The following CAPRIN2 variants were observed in gnomAD, a reference collection of about 807,000 sequenced individuals.
CAPRIN2 encodes caprin family member 2.
CAPRIN2 carries 66 observed loss-of-function variants against 130.4 expected under a neutral mutation model. The observed-to-expected ratio is 0.51, with a 90% CI of 0.42 to 0.62. The LOEUF (loss-of-function observed/expected upper bound fraction) is 0.62. CAPRIN2 is among the 20% of genes least tolerant of loss of function. The pLI, the probability that CAPRIN2 is intolerant of heterozygous loss-of-function variation, is 0.00. For synonymous variants in CAPRIN2, 471 were observed against 444.1 expected, an observed-to-expected ratio of 1.06 and a Z score of -0.76; for missense variants, 1,185 against 1,246.6, an observed-to-expected ratio of 0.95 and a Z score of 0.74.
intron 5 of CAPRIN2, among the ~76,000 whole-genome samples, chr12:30,732,672 C>T (rs1037856118): frequency 6.6e-6 from 1 of 152,052 alleles, no homozygotes; most frequent in South Asian, 2.1e-4. Context: ...GCTTCTTTCA[C>T]TCAGCATAAT....
At chr12:30,728,613 C>A in intron 8 of CAPRIN2, 35 bp downstream of exon 9, 1 of 1,497,134 alleles carries the variant, frequency 6.7e-7, no homozygotes, top group Non-Finnish European at 9.0e-7. Context: ...TTTATGCCTA[C>A]ACTTACAGAA....
Position 30,710,548 on chromosome 12 carries a change from TG to T in CAPRIN2, c.2666-79del. The T allele has an allele frequency of 1.1e-5, 17 of 1,585,952 alleles. No homozygotes were observed. Among genetic ancestry groups the T allele is most frequent in the Non-Finnish European group, 1.5e-5 (17 of 1,168,454 alleles). ...ACAATATTTAACATTAGTCGGCTAC[TG>T]AAACAGACAAAGATACATTTTATAG... On this transcript the variant is annotated intron_variant, in intron 16 of 16. Transcript: ENST00000298892. The surrounding 1 kb of genome is among the most constrained non-coding windows in gnomAD (Gnocchi z 4.8).
intron 14 of CAPRIN2, 46 bp downstream of exon 16, chr12:30,714,913 C>T (rs1389640729): frequency 1.1e-5 from 17 of 1,508,766 alleles, no homozygotes; most frequent in Non-Finnish European, 1.5e-5. Context: ...CAAGTAAACA[C>T]ACAGACAAAA....
intron 3 of CAPRIN2, among the ~76,000 whole-genome samples, chr12:30,736,065 C>T (rs569318045): frequency 1.3e-5 from 2 of 151,138 alleles, no homozygotes; most frequent in East Asian, 2.0e-4. Context: ...TGCTTGAGCC[C>T]GGGAGGTCAA....
rs1402077640 is a variant in CAPRIN2, at chr12:30,710,296, C to T, written c.2840G>A (p.Arg947Gln). 1.2e-6 allele frequency: 2 copies of T among 1,614,164 alleles called. No homozygotes were observed. Among genetic ancestry groups the T allele is most frequent in the Non-Finnish European group, 1.7e-6 (2 of 1,180,028 alleles). Residue 947 changes from arginine to glutamine, a missense_variant, in exon 17 of 17, where the codon CGA becomes CAA. Physicochemically the swap from Arg to Gln is conservative, Grantham distance 43. Transcript: ENST00000298892. The surrounding 1 kb of genome is among the most constrained non-coding windows in gnomAD (Gnocchi z 4.8). ...GGTTCTGGCTGCTGAGAAGGCAACTCGCATCTGCTGAGGCAGAGGGTAGAC... is the reference window on the plus strand; with the variant it reads ...GGTTCTGGCTGCTGAGAAGGCAACTTGCATCTGCTGAGGCAGAGGGTAGAC...
Position 30,710,297 on chromosome 12 carries a change from G to A in CAPRIN2, c.2839C>T (p.Arg947Ter). ...GTTCTGGCTGCTGAGAAGGCAACTCGCATCTGCTGAGGCAGAGGGTAGACG... is the reference window on the plus strand; with the variant it reads ...GTTCTGGCTGCTGAGAAGGCAACTCACATCTGCTGAGGCAGAGGGTAGACG... The change falls in exon 17 of 17, where the codon CGA becomes TGA. Residue 947 changes from arginine to a stop codon, truncating the protein, a stop_gained. Transcript: ENST00000298892. LOFTEE classifies it high-confidence loss of function. The surrounding 1 kb of genome is among the most constrained non-coding windows in gnomAD (Gnocchi z 4.8). 1 of 1,614,174 alleles carries A rather than the reference G, an allele frequency of 6.2e-7. No homozygotes were observed. The highest frequency in any genetic ancestry group is 8.5e-7 in the Non-Finnish European group (1 of 1,180,032).
At chr12:30,750,573 T>C (rs962382615) in intron 2 of CAPRIN2, among the ~76,000 whole-genome samples, 3 of 151,804 alleles carry the variant, frequency 2.0e-5, no homozygotes, top group Non-Finnish European at 4.4e-5. Context: ...TATCAGATAA[T>C]ATGCCTCCTG....
intron 3 of CAPRIN2, among the ~76,000 whole-genome samples, chr12:30,739,691 G>A (rs1003745239): frequency 2.0e-5 from 3 of 151,400 alleles, no homozygotes; most frequent in Non-Finnish European, 4.4e-5. Context: ...CTCCAGCCTG[G>A]GCGACAGGGC....
chr12:30,738,918 G>C (rs1178930291), intron 3 of CAPRIN2, among the ~76,000 whole-genome samples: 1 of 152,174 alleles, frequency 6.6e-6, no homozygotes, highest in Non-Finnish European at 1.5e-5. Context: ...TGCTGTCAAG[G>C]TTGTAGAGAA....
chr12:30,714,827 T>C lies in CAPRIN2; in HGVS notation c.2500+132A>G. ...GAATAGGTATATTAAAAATACTTTATTATCCACAAACAGGAAATTCTCTAC... is the reference window on the plus strand; with the variant it reads ...GAATAGGTATATTAAAAATACTTTACTATCCACAAACAGGAAATTCTCTAC... On this transcript the variant is annotated intron_variant, in intron 14 of 16. Transcript: ENST00000298892. 1.1e-5 allele frequency: 7 copies of C among 615,790 alleles called. No homozygotes were observed. In the Admixed American group the frequency reaches 1.7e-4, roughly 15 times the overall value. The allele number at this position is 615,790 out of a possible 1,614,324, so 38.1% of individuals were successfully genotyped here. A position where few individuals can be genotyped will look rare whatever the true frequency, so the allele number is the denominator to read the frequency against.
chr12:30,736,930 C>T (rs1438924612), intron 3 of CAPRIN2, among the ~76,000 whole-genome samples: 1 of 152,180 alleles, frequency 6.6e-6, no homozygotes, highest in Non-Finnish European at 1.5e-5. Flanking sequence ...TTATCTTTGG[C>T]CAGTCTCCCA....
chr12:30,738,498 C>CA (rs1424062489), intron 3 of CAPRIN2, among the ~76,000 whole-genome samples: 3 of 152,048 alleles, frequency 2.0e-5, no homozygotes, highest in Non-Finnish European at 4.4e-5. Flanking sequence ...TAGGAACTGG[C>CA]AAAGATTTTG....
intron 15 of CAPRIN2, 180 bp from the exon 18 acceptor site, chr12:30,711,809 G>A: frequency 1.4e-6 from 1 of 696,650 alleles, no homozygotes; most frequent in Non-Finnish European, 2.6e-6. Context: ...AAGGGCAACA[G>A]TGGCATTACT....
rs753826946 is a variant in CAPRIN2 at position 30,735,152 on chromosome 12, C to T, written c.625G>A (p.Ala209Thr). Reference sequence around the variant, plus strand: ...ATAGTTCGAAGCTTTTTCTTCTCAGCCTCAAGTTTTAGCATGTGCTCCCTT... The same window carrying T: ...ATAGTTCGAAGCTTTTTCTTCTCAGTCTCAAGTTTTAGCATGTGCTCCCTT... The change falls in exon 4 of 17, where the codon GCT becomes ACT. Residue 209 changes from alanine (A) to threonine (T), a missense_variant. Transcript: ENST00000298892. 8.7e-6 allele frequency: 14 copies of T among 1,614,042 alleles called. No individual in the cohort carries two copies. The African/African-American group carries it at 1.6e-4, about 18-fold the overall frequency.
chr12:30,749,834 G>A (rs2072819536), intron 2 of CAPRIN2, among the ~76,000 whole-genome samples: 1 of 152,134 alleles, frequency 6.6e-6, no homozygotes, highest in Non-Finnish European at 1.5e-5. Context: ...TATTATAGAA[G>A]CAACATGTGG....
intron 16 of CAPRIN2, among the ~76,000 whole-genome samples, chr12:30,711,240 CATT>C (rs2054424637): frequency 6.6e-6 from 1 of 152,064 alleles, no homozygotes; most frequent in African/African-American, 2.4e-5. Context: ...AAGAAGTACC[CATT>C]ATTACAAAAA....
Position 30,731,299 on chromosome 12 carries a change from A to G in CAPRIN2, c.1060+44T>C, listed in dbSNP as rs559229032. 1.9e-6 allele frequency: 3 copies of G among 1,544,728 alleles called. No homozygotes were observed. The Admixed American group carries it at 5.3e-5, about 27-fold the overall frequency. On this transcript the variant is annotated intron_variant, in intron 6 of 16. Coordinates refer to ENST00000298892, the Ensembl canonical transcript of CAPRIN2. ...CAATACGTGACTCATTTGGGGTATT[A>G]AAAAATGCAACCACTATAAGGATTT...
At position 30,722,840 on chromosome 12, in the gene CAPRIN2, G is replaced by A. The variant is rs565348131; in HGVS notation, c.2043+419C>T. 2.6e-5 allele frequency among the ~76,000 whole-genome samples: 4 copies of A among 152,206 alleles called. No individual in the cohort carries two copies. In the East Asian group the frequency reaches 7.7e-4, roughly 29 times the overall value. ...CTTGAACCCGTGAGGCAGACCAGACGCTGCAGTGAGCCGAGATCATGCTAC... is the reference window on the plus strand; with the variant it reads ...CTTGAACCCGTGAGGCAGACCAGACACTGCAGTGAGCCGAGATCATGCTAC... On this transcript the variant is annotated intron_variant, in intron 11 of 16. Coordinates refer to ENST00000298892, the Ensembl canonical transcript of CAPRIN2.
chr12:30,723,184 A>G, intron 11 of CAPRIN2, 75 bp downstream of exon 12: 1 of 984,150 alleles, frequency 1.0e-6, no homozygotes, highest in Non-Finnish European at 1.6e-6. Flanking sequence ...AGAATCAGTA[A>G]GTCTGATTAT....
Sources: gnomAD v4.1 joint callset for allele counts (sites outside exome capture counted in the v4.1 genomes callset) on GRCh38, gnomAD v4.1.1 for gene constraint, Gnocchi (gnomAD v3.1) non-coding constraint, MANE v1.5 for transcripts, NCBI Gene and HGNC (gene_info 2026-07-23, HGNC 2026-07-21) for gene names.